Variants in PDE1A observed in about 807,000 individuals in gnomAD.
PDE1A encodes the protein phosphodiesterase 1A, also known as dual specificity calcium/calmodulin-dependent 3',5'-cyclic nucleotide phosphodiesterase 1A.
A neutral mutation model predicts 61.7 loss-of-function variants in PDE1A; 35 were observed. The observed-to-expected ratio is 0.57, with a 90% CI of 0.43 to 0.75. PDE1A has a LOEUF of 0.75. PDE1A is among the 30% of genes least tolerant of loss of function. PDE1A has a pLI of 0.00. For synonymous variants in PDE1A, 232 were observed against 213.2 expected, an observed-to-expected ratio of 1.09 and a Z score of -0.77; for missense variants, 597 against 630.6, an observed-to-expected ratio of 0.95 and a Z score of 0.57.
At chr2:182,263,070 T>A (rs1332585824) in intron 2 of PDE1A, among the ~76,000 whole-genome samples, 1 of 151,840 alleles carries the variant, frequency 6.6e-6, no homozygotes, top group Non-Finnish European at 1.5e-5. Context: ...AGTTTAACAT[T>A]GCTCATCTTC....
chr2:182,230,679 G>T (rs1346353705), intron 5 of PDE1A, among the ~76,000 whole-genome samples: 1 of 152,120 alleles, frequency 6.6e-6, no homozygotes, highest in Non-Finnish European at 1.5e-5. Flanking sequence ...TGGCAATAAA[G>T]GTTCATTCTG....
the PDE1A span, among the ~76,000 whole-genome samples, chr2:182,695,775 T>G: frequency 1.3e-5 from 2 of 151,866 alleles, no homozygotes. Flanking sequence ...AGCGGACTGT[T>G]ACCAAAATAT....
intron 1 of PDE1A, among the ~76,000 whole-genome samples, chr2:182,278,609 T>A (rs1206654922): frequency 2.0e-5 from 3 of 151,998 alleles, no homozygotes; most frequent in Non-Finnish European, 4.4e-5. Context: ...TTATGTATTA[T>A]GGACTAGACT....
chr2:182,465,915 G>A (rs570684964), intron 2 of PDE1A, among the ~76,000 whole-genome samples: 72 of 151,638 alleles, frequency 4.7e-4, no homozygotes, highest in Non-Finnish European at 8.4e-4. Flanking sequence ...GAGTGATGCC[G>A]GAAAAGAGTA....
Position 182,197,716 on chromosome 2 carries a change from G to A in PDE1A, c.1125+3723C>T, listed in dbSNP as rs575417140. ...AAAGATCACATGACATTATATATATGAGCCTGTTTCTGAAATCACTCCTCT... is the reference window on the plus strand; with the variant it reads ...AAAGATCACATGACATTATATATATAAGCCTGTTTCTGAAATCACTCCTCT... On this transcript the variant is annotated intron_variant, in intron 10 of 13. Transcript: ENST00000351439. Among the ~76,000 whole-genome samples the A allele has an allele frequency of 2.6e-5, 4 of 151,824 alleles. No homozygotes were observed. In the East Asian group the frequency reaches 7.7e-4, roughly 29 times the overall value.
the PDE1A span, among the ~76,000 whole-genome samples, chr2:182,609,849 A>G: frequency 6.6e-6 from 1 of 151,910 alleles, no homozygotes; most frequent in Non-Finnish European, 1.5e-5. Flanking sequence ...AGCACTTGGG[A>G]GGCCGAGGCA....
At chr2:182,400,161 G>C (rs1479634912) in intron 1 of PDE1A, among the ~76,000 whole-genome samples, 2 of 151,826 alleles carry the variant, frequency 1.3e-5, no homozygotes, top group African/African-American at 4.8e-5. Context: ...TAAATTCTTT[G>C]CCAATATCAC....
At chr2:182,322,625 A>C (rs1696769194) in intron 1 of PDE1A, among the ~76,000 whole-genome samples, 1 of 152,194 alleles carries the variant, frequency 6.6e-6, no homozygotes, top group Non-Finnish European at 1.5e-5. Flanking sequence ...CTAACACAGA[A>C]GCTGAATTCA....
chr2:182,294,623 G>T (rs1193965464), intron 1 of PDE1A, among the ~76,000 whole-genome samples: 1 of 152,160 alleles, frequency 6.6e-6, no homozygotes, highest in Non-Finnish European at 1.5e-5. Context: ...ATTACCCTGT[G>T]TCTTTCAGCA....
chr2:182,686,808 G>A, the PDE1A span, among the ~76,000 whole-genome samples: 1 of 152,224 alleles, frequency 6.6e-6, no homozygotes, highest in African/African-American at 2.4e-5. Flanking sequence ...GATAGCACCT[G>A]GAAAATTGGG....
intron 7 of PDE1A, among the ~76,000 whole-genome samples, chr2:182,213,109 C>A (rs200571464): frequency 0.2 from 29,806 of 149,278 alleles, 3,123 homozygotes; most frequent in East Asian, 0.32. Context: ...GTCCCTGACC[C>A]CTGACCCCCG....
intron 13 of PDE1A, among the ~76,000 whole-genome samples, chr2:182,151,495 C>A (rs1286475707): frequency 6.6e-6 from 1 of 152,160 alleles, no homozygotes; most frequent in Non-Finnish European, 1.5e-5. Context: ...TTAAAGCCAG[C>A]AAGGGGCTGG....
At chr2:182,676,440 A>C in the PDE1A span, among the ~76,000 whole-genome samples, 1 of 152,024 alleles carries the variant, frequency 6.6e-6, no homozygotes, top group South Asian at 2.1e-4. Flanking sequence ...CCAACCAAAA[A>C]AAAAAAGGCC....
chr2:182,362,038 G>A (rs978317308), intron 1 of PDE1A, among the ~76,000 whole-genome samples: 7 of 151,970 alleles, frequency 4.6e-5, no homozygotes, highest in East Asian at 3.9e-4. Context: ...CTTTAGCATC[G>A]GTTTTCATTT....
At chr2:182,588,815 A>G in the PDE1A span, among the ~76,000 whole-genome samples, 121,987 of 151,928 alleles carry the variant, frequency 0.8, 49,301 homozygotes, top group East Asian at 0.98. Context: ...AGGCCGAGGC[A>G]GGCGGATCAC....
chr2:182,547,972 G>A, the PDE1A span, among the ~76,000 whole-genome samples: 10 of 152,174 alleles, frequency 6.6e-5, no homozygotes, highest in Non-Finnish European at 1.5e-4. Context: ...TGAGAGAGAT[G>A]TGTAGATATG....
intron 2 of PDE1A, among the ~76,000 whole-genome samples, chr2:182,498,998 G>GT (rs1421039874): frequency 3.3e-5 from 5 of 150,710 alleles, no homozygotes; most frequent in Admixed American, 6.6e-5. Flanking sequence ...TTTGTTTTTT[G>GT]TTTTTTTGAG....
chr2:182,328,511 G>A (rs1697194767), intron 1 of PDE1A, among the ~76,000 whole-genome samples: 1 of 152,142 alleles, frequency 6.6e-6, no homozygotes, highest in Non-Finnish European at 1.5e-5. Context: ...AAAGTGGTGA[G>A]ATGAACAGAT....
chr2:182,470,091 C>T (rs1188420569), intron 2 of PDE1A, among the ~76,000 whole-genome samples: 2 of 151,960 alleles, frequency 1.3e-5, no homozygotes, highest in East Asian at 3.9e-4. Flanking sequence ...TGAAAACACG[C>T]TGTTAGAAAA....
Sources: allele counts gnomAD v4.1 joint callset (sites outside exome capture counted in the v4.1 genomes callset), GRCh38; gene constraint gnomAD v4.1.1; transcripts MANE v1.5; gene names NCBI Gene and HGNC (gene_info 2026-07-23, HGNC 2026-07-21).